Variants in ARHGAP5 observed in about 807,000 individuals in gnomAD.
ARHGAP5 encodes the protein rho GTPase-activating protein 5.
In ARHGAP5, 23 loss-of-function variants were observed where a neutral mutation model predicts 116.6. That is an observed-to-expected ratio of 0.20 (90% CI 0.14 to 0.28). The LOEUF is 0.28. ARHGAP5 is among the 10% of genes least tolerant of loss of function. ARHGAP5 has a pLI of 1.00. For synonymous variants in ARHGAP5, 574 were observed against 602.0 expected (o/e 0.95, Z 0.68); for missense variants, 1,405 against 1,774.8 (o/e 0.79, Z 3.74).
At chr14:32,137,279 A>T (rs974710375) in intron 3 of ARHGAP5, among the ~76,000 whole-genome samples, 14 of 149,134 alleles carry the variant, frequency 9.4e-5, no homozygotes, top group Non-Finnish European at 1.3e-4. Context: ...ATTCGTTCTT[A>T]AGCATGTGGA....
rs571238331 is a variant in ARHGAP5 at position 32,142,192 on chromosome 14, C to G, written c.3866-4071C>G. 1.5e-3 allele frequency among the ~76,000 whole-genome samples: 233 copies of G among 152,108 alleles called. 1 individual carries two copies. Among genetic ancestry groups the G allele is most frequent in the African/African-American group, 5.2e-3 (216 of 41,528 alleles). ...TCTTTGTTCATGGTTTCCTTTAGAT[C>G]TTTGTGATTTTTTAAAAGAACTTTT... is the stretch of plus-strand genomic sequence containing the variant. On this transcript the variant is annotated intron_variant, in intron 3 of 6. Transcript: ENST00000345122.
In ARHGAP5 at chr14:32,156,588, T is replaced by G. The variant is rs188767762; in HGVS notation, c.*1640T>G. On this transcript the variant is annotated 3_prime_UTR_variant, in exon 7 of 7. Transcript: ENST00000345122. ...TCTAAGAAAACAAAGTCCCTATTAT[T>G]CCTATTGCAAAGCACACAGGAATTA... is the stretch of plus-strand genomic sequence containing the variant. 2.2e-4 allele frequency: 33 copies of G among 152,380 alleles called. No individual in the cohort carries two copies. The highest frequency in any genetic ancestry group is 3.0e-4 in the Non-Finnish European group (20 of 67,786). The allele number at this position is 152,380 out of a possible 1,614,324, so 9.4% of individuals were successfully genotyped here.
At chr14:32,152,315 T>G in intron 5 of ARHGAP5, 108 bp from the exon 6 acceptor site, 1 of 775,534 alleles carries the variant, frequency 1.3e-6, no homozygotes. Context: ...TATCCTAATA[T>G]GCTTTAAACA....
chr14:32,136,664 A>T (rs774191026), intron 3 of ARHGAP5, among the ~76,000 whole-genome samples: 2 of 152,132 alleles, frequency 1.3e-5, no homozygotes, highest in Non-Finnish European at 2.9e-5. Context: ...TCTATGTTTA[A>T]CTTAGTAGAG....
intron 2 of ARHGAP5, among the ~76,000 whole-genome samples, chr14:32,113,024 C>CT (rs1400017981): frequency 6.6e-6 from 1 of 152,124 alleles, no homozygotes; most frequent in Non-Finnish European, 1.5e-5. Flanking sequence ...CATTTCAGAA[C>CT]TTTGATGGCA....
intron 3 of ARHGAP5, among the ~76,000 whole-genome samples, chr14:32,121,081 A>G (rs1879867034): frequency 7.7e-6 from 1 of 130,020 alleles, no homozygotes; most frequent in South Asian, 2.5e-4. Context: ...GCAGAGGTGT[A>G]ACTTCAGCTA....
chr14:32,137,710 C>T (rs1285374186), intron 3 of ARHGAP5, among the ~76,000 whole-genome samples: 2 of 152,038 alleles, frequency 1.3e-5, no homozygotes, highest in Non-Finnish European at 2.9e-5. Flanking sequence ...GGGTGGCTCA[C>T]GCCTGTAATC....
intron 3 of ARHGAP5, among the ~76,000 whole-genome samples, chr14:32,118,924 T>C (rs1414489901): frequency 6.6e-6 from 1 of 152,164 alleles, no homozygotes; most frequent in African/African-American, 2.4e-5. Flanking sequence ...AGTGATTCGG[T>C]TTGAGGAAAA....
intron 3 of ARHGAP5, 24 bp from the exon 4 acceptor site, chr14:32,146,239 A>G (rs1881373968): frequency 3.3e-6 from 5 of 1,534,328 alleles, no homozygotes; most frequent in Non-Finnish European, 4.5e-6. Context: ...TTATTAAAGT[A>G]TGCATATTTC....
intron 3 of ARHGAP5, among the ~76,000 whole-genome samples, chr14:32,142,845 C>T (rs1016748926): frequency 6.6e-6 from 1 of 152,156 alleles, no homozygotes; most frequent in African/African-American, 2.4e-5. Context: ...TTGATTCTGA[C>T]CCTTCTGGCA....
Position 32,092,929 on chromosome 14 carries a change from T to A in ARHGAP5, c.2260T>A (p.Leu754Met). Residue 754 changes from leucine to methionine, a missense_variant, in exon 2 of 7, where the codon TTG (leucine) becomes ATG (methionine). Coordinates refer to ENST00000345122, the MANE Select transcript of ARHGAP5 (RefSeq NM_001030055.2). The surrounding 1 kb of genome is among the most constrained non-coding windows in gnomAD (Gnocchi z 4.1). ...TQIKQALRGV[L>M]ESVKHNLDVV... ...AATAAAGCAAGCTCTCAGAGGAGTATTGGAATCAGTTAAACACAATTTGGA... is the reference window on the plus strand; with the variant it reads ...AATAAAGCAAGCTCTCAGAGGAGTAATGGAATCAGTTAAACACAATTTGGA... 4 of 1,614,052 alleles carry A rather than the reference T, an allele frequency of 2.5e-6. No individual in the cohort carries two copies. The South Asian group carries it at 3.3e-5, about 13-fold the overall frequency.
intron 1 of ARHGAP5, among the ~76,000 whole-genome samples, chr14:32,082,759 C>T (rs962952506): frequency 3.9e-5 from 6 of 152,292 alleles, no homozygotes; most frequent in Admixed American, 1.3e-4. Context: ...GGGCTGGTCT[C>T]GACCTCCTGA....
In ARHGAP5 at chr14:32,092,989, T is replaced by C. The variant is rs373593195; in HGVS notation, c.2320T>C (p.Ser774Pro). The C allele has an allele frequency of 7.7e-5, 124 of 1,614,096 alleles. No homozygotes were observed. Among genetic ancestry groups the C allele is most frequent in the South Asian group, 2.3e-4 (21 of 91,088 alleles). The change falls in exon 2 of 7, where the codon TCA becomes CCA. Residue 774 changes from serine to proline, a missense_variant. Transcript: ENST00000345122. This position sits in a 1 kb window ranked among gnomAD's most constrained non-coding sequence, Gnocchi z 4.1. ...VSPIPANKDLSEADLRIVMCA... is the reference protein window; with the variant it reads ...VSPIPANKDLPEADLRIVMCA... ...CCCAATTCCTGCCAATAAGGACTTATCAGAAGCTGACTTGAGAATTGTCAT... is the reference window on the plus strand; with the variant it reads ...CCCAATTCCTGCCAATAAGGACTTACCAGAAGCTGACTTGAGAATTGTCAT...
At chr14:32,100,439 T>C (rs1412144452) in intron 2 of ARHGAP5, among the ~76,000 whole-genome samples, 1 of 152,126 alleles carries the variant, frequency 6.6e-6, no homozygotes, top group Non-Finnish European at 1.5e-5. Flanking sequence ...CCTCAAGCCG[T>C]CCTCTACCTT....
At position 32,154,626 on chromosome 14, in the gene ARHGAP5, G is replaced by A. The variant is rs753914199; in HGVS notation, c.4187G>A (p.Ser1396Asn). 6.2e-7 allele frequency: 1 copy of A among 1,602,170 alleles called. No homozygotes were observed. The highest frequency in any genetic ancestry group is 8.5e-7 in the Non-Finnish European group (1 of 1,171,952). ...TTTTCCTTTCATAATTTCAGGGTTA[G>A]TCAGCAACATAAAATCAACCTAATG... ...RYVITHLNRV[S>N]QQHKINLMTA... The change falls in exon 7 of 7, where the codon AGT becomes AAT. Residue 1396 changes from serine (S) to asparagine (N), a missense_variant. Ser to Asn is a conservative substitution (Grantham distance 46). Coordinates refer to ENST00000345122, the MANE Select transcript of ARHGAP5 (RefSeq NM_001030055.2).
chr14:32,150,603 T>C (rs1210567944), intron 5 of ARHGAP5, among the ~76,000 whole-genome samples: 1 of 152,156 alleles, frequency 6.6e-6, no homozygotes, highest in African/African-American at 2.4e-5. Context: ...TACTCTTTTA[T>C]CAGGAACTCA....
rs994307251 is a variant in ARHGAP5 at position 32,158,639 on chromosome 14, T to A, written c.*3691T>A. 2.0e-5 allele frequency: 3 copies of A among 152,038 alleles called. No individual in the cohort carries two copies. The highest frequency in any genetic ancestry group is 4.4e-5 in the Non-Finnish European group (3 of 67,896). 9.4% of individuals were successfully genotyped at this position (152,038 alleles called of 1,614,324 possible). A position where few individuals can be genotyped will look rare whatever the true frequency, so the allele number is the denominator to read the frequency against. On this transcript the variant is annotated 3_prime_UTR_variant, in exon 7 of 7. Coordinates refer to ENST00000345122, the MANE Select transcript of ARHGAP5 (RefSeq NM_001030055.2). Reference sequence around the variant, plus strand: ...AGGTACTTAAATTCTTAACAGTTTCTAATTTGTTTCAATACATATGGGACA... The same window carrying A: ...AGGTACTTAAATTCTTAACAGTTTCAAATTTGTTTCAATACATATGGGACA...
At chr14:32,099,425 A>G (rs1878691159) in intron 2 of ARHGAP5, among the ~76,000 whole-genome samples, 1 of 152,184 alleles carries the variant, frequency 6.6e-6, no homozygotes. Context: ...ACCTTTGAGG[A>G]TCTGTCAGTG....
In ARHGAP5 at chr14:32,141,760, CAT is replaced by C. The variant is rs542258522; in HGVS notation, c.3866-4501_3866-4500del. ...CTTAGTTTCTCCTTCATTTTTGAAA[CAT>C]AGTTTTACCAGACACAGAATTTTTG... On this transcript the variant is annotated intron_variant, in intron 3 of 6. Transcript: ENST00000345122. Among the ~76,000 whole-genome samples, 14 of 152,210 alleles carry C rather than the reference CAT, an allele frequency of 9.2e-5. No individual in the cohort carries two copies. The South Asian group carries it at 2.3e-3, about 25-fold the overall frequency.
Sources: gnomAD v4.1 joint callset for allele counts (sites outside exome capture counted in the v4.1 genomes callset) on GRCh38, gnomAD v4.1.1 for gene constraint, Gnocchi (gnomAD v3.1) non-coding constraint, MANE v1.5 for transcripts, NCBI Gene and HGNC (gene_info 2026-07-23, HGNC 2026-07-21) for gene names.